The following ANO1 variants were observed in gnomAD, a reference collection of about 807,000 sequenced individuals.
ANO1 encodes the protein anoctamin-1.
In ANO1, 59 loss-of-function variants were observed where a neutral mutation model predicts 124.0. The ratio of observed to expected loss-of-function variants is 0.48; its 90% CI spans 0.39 to 0.59. The LOEUF (loss-of-function observed/expected upper bound fraction) is 0.59. ANO1 is among the 20% of genes least tolerant of loss of function. The pLI, the probability that ANO1 is intolerant of heterozygous loss-of-function variation, is 0.00. For missense variants in ANO1, 1,059 were observed against 1,328.0 expected, an observed-to-expected ratio of 0.80 and a Z score of 3.15; for synonymous variants, 529 against 532.0, an observed-to-expected ratio of 0.99 and a Z score of 0.08.
the ANO1 span, among the ~76,000 whole-genome samples, chr11:69,977,246 G>A: frequency 2.0e-4 from 30 of 152,262 alleles, no homozygotes; most frequent in Admixed American, 9.2e-4. Context: ...CTGTGTGCAC[G>A]GTCAGTCAGA....
intron 1 of ANO1, among the ~76,000 whole-genome samples, chr11:70,048,560 G>GTC (rs776390662): frequency 6.6e-6 from 1 of 151,886 alleles, no homozygotes; most frequent in East Asian, 1.9e-4. Context: ...GGATGTCTCT[G>GTC]TCTCTCTCTC....
At chr11:69,997,561 G>A (rs1554998591) in intron 1 of ANO1, among the ~76,000 whole-genome samples, 1 of 152,090 alleles carries the variant, frequency 6.6e-6, no homozygotes, top group Non-Finnish European at 1.5e-5. Context: ...GCAGCCACAG[G>A]GCCTTTGCAC....
intron 2 of ANO1, among the ~76,000 whole-genome samples, chr11:70,092,760 C>A (rs2044682816): frequency 6.6e-6 from 1 of 152,162 alleles, no homozygotes; most frequent in Non-Finnish European, 1.5e-5. Flanking sequence ...CCAAGGGTGA[C>A]CCCAGACCAA....
intron 22 of ANO1, 132 bp downstream of exon 22, chr11:70,171,171 C>A: frequency 1.5e-6 from 2 of 1,293,980 alleles, no homozygotes; most frequent in Non-Finnish European, 2.1e-6. Flanking sequence ...TCAGCCTTTG[C>A]CGGGTGGAGC....
chr11:70,073,420 C>G (rs538048210), upstream of ANO1, among the ~76,000 whole-genome samples: 6 of 152,176 alleles, frequency 3.9e-5, no homozygotes, highest in Non-Finnish European at 8.8e-5. Flanking sequence ...CCTAACCGCG[C>G]GACTTAACAT....
chr11:70,130,588 G>A (rs2046713423), intron 10 of ANO1, among the ~76,000 whole-genome samples: 2 of 152,230 alleles, frequency 1.3e-5, no homozygotes, highest in South Asian at 4.1e-4. Context: ...CGATAGCCTG[G>A]AAGTATTAGT....
intron 1 of ANO1, among the ~76,000 whole-genome samples, chr11:70,027,510 A>G (rs1426679549): frequency 6.6e-6 from 1 of 152,240 alleles, no homozygotes; most frequent in Non-Finnish European, 1.5e-5. Context: ...ACCGCAAGCC[A>G]GGGCCCATCT....
At chr11:70,135,186 A>G (rs1045414738) in intron 11 of ANO1, among the ~76,000 whole-genome samples, 1 of 152,020 alleles carries the variant, frequency 6.6e-6, no homozygotes, top group Non-Finnish European at 1.5e-5. Context: ...CCCTGATTTC[A>G]TCCGTCTGTT....
chr11:70,138,155 G>A (rs1291239939), intron 11 of ANO1, among the ~76,000 whole-genome samples: 1 of 146,228 alleles, frequency 6.8e-6, no homozygotes, highest in African/African-American at 2.4e-5. Context: ...GACCAGTCAG[G>A]CCAACATGGT....
At chr11:70,111,102 C>T (rs892468122) in intron 6 of ANO1, 10 of 456,418 alleles carry the variant, frequency 2.2e-5, no homozygotes, top group Non-Finnish European at 4.4e-5. Context: ...CCTTCCACCT[C>T]ACTAATAGCC....
At chr11:70,168,832 G>A (rs368864860) in intron 21 of ANO1, among the ~76,000 whole-genome samples, 14 of 152,290 alleles carry the variant, frequency 9.2e-5, no homozygotes, top group African/African-American at 2.4e-4. Context: ...TGCCCCTCCT[G>A]TTAGCCGAAT....
intron 17 of ANO1, 125 bp from the exon 18 acceptor site, chr11:70,161,497 C>T: frequency 8.7e-6 from 12 of 1,378,440 alleles, no homozygotes; most frequent in South Asian, 1.2e-5. Flanking sequence ...GTATCCTGAG[C>T]ACAGGCCATG....
intron 14 of ANO1, among the ~76,000 whole-genome samples, chr11:70,153,659 T>A (rs1368236138): frequency 6.6e-6 from 1 of 152,228 alleles, no homozygotes; most frequent in Non-Finnish European, 1.5e-5. Context: ...CTTTTTATAA[T>A]AATTGCTTTT....
At chr11:69,991,588 A>G (rs570951190) in intron 1 of ANO1, among the ~76,000 whole-genome samples, 13 of 152,364 alleles carry the variant, frequency 8.5e-5, no homozygotes, top group Admixed American at 7.8e-4. Flanking sequence ...TAGTTCACAC[A>G]GTGAGTTTCT....
intron 1 of ANO1, among the ~76,000 whole-genome samples, chr11:69,990,966 C>T (rs1856142507): frequency 6.6e-6 from 1 of 152,122 alleles, no homozygotes; most frequent in African/African-American, 2.4e-5. Flanking sequence ...TTTTAATTTT[C>T]ATGAAGCCCA....
At chr11:70,015,697 G>A (rs1470473251) in intron 1 of ANO1, 2 of 152,276 alleles carry the variant, frequency 1.3e-5, no homozygotes, top group African/African-American at 4.8e-5. Context: ...AGTGGTCGGA[G>A]ATCACCTCCT....
the ANO1 span, among the ~76,000 whole-genome samples, chr11:69,973,070 C>A: frequency 6.6e-6 from 1 of 152,026 alleles, no homozygotes; most frequent in Non-Finnish European, 1.5e-5. Flanking sequence ...CCACCACACC[C>A]AGATAATTTT....
At chr11:69,993,864 C>T (rs1856204783) in intron 1 of ANO1, among the ~76,000 whole-genome samples, 1 of 152,192 alleles carries the variant, frequency 6.6e-6, no homozygotes, top group Non-Finnish European at 1.5e-5. Flanking sequence ...TTCCTATAGC[C>T]CTTCATCCCC....
intron 1 of ANO1, among the ~76,000 whole-genome samples, chr11:70,058,981 A>G (rs1321010521): frequency 2.6e-5 from 4 of 151,942 alleles, no homozygotes; most frequent in Admixed American, 6.5e-5. Flanking sequence ...CAGGAGATCA[A>G]GACCATCCTG....
Sources: allele counts gnomAD v4.1 joint callset (sites outside exome capture counted in the v4.1 genomes callset), GRCh38; gene constraint gnomAD v4.1.1; transcripts MANE v1.5; gene names NCBI Gene and HGNC (gene_info 2026-07-23, HGNC 2026-07-21).